WRNIP1: variants seen among roughly 807,000 people sequenced by gnomAD.
WRNIP1 encodes WRN helicase interacting protein 1.
WRNIP1 carries 41 observed loss-of-function variants against 56.1 expected under a neutral mutation model. The observed-to-expected ratio is 0.73, with a 90% CI of 0.57 to 0.95. The LOEUF (loss-of-function observed/expected upper bound fraction) is 0.95. WRNIP1 is among the 40% of genes least tolerant of loss of function. WRNIP1 has a pLI of 0.00. For synonymous variants in WRNIP1, 547 were observed against 398.1 expected, an observed-to-expected ratio of 1.37 and a Z score of -4.45; for missense variants, 1,170 against 939.4, an observed-to-expected ratio of 1.25 and a Z score of -3.21.
chr6:2,766,066 G>T lies in WRNIP1; in HGVS notation c.444G>T (p.Ala148=), dbSNP rs1411215226. 12 of 1,295,256 alleles carry T rather than the reference G, an allele frequency of 9.3e-6. No homozygotes were observed. In the African/African-American group the frequency reaches 1.2e-4, roughly 13 times the overall value. 80.2% of individuals were successfully genotyped at this position (1,295,256 alleles called of 1,614,324 possible). A position where few individuals can be genotyped will look rare whatever the true frequency, so the allele number is the denominator to read the frequency against. The stretch of plus-strand genomic sequence containing the variant: ...GGAAGAGGCCGGCGGCCGCCGCCGC[G>T]GCGGGGAGCGCGTCTCCGCGCAGCT... The part of the protein sequence containing the change: ...GSGKRPAAAA[A]AGSASPRSWD... Residue 148 remains alanine, a synonymous_variant, in exon 1 of 7, where the codon GCG becomes GCT. Coordinates refer to ENST00000380773, the MANE Select transcript of WRNIP1 (RefSeq NM_020135.3).
chr6:2,786,795 T>A lies in WRNIP1; in HGVS notation c.*1513T>A, dbSNP rs761438051. ...TAACCTCTATCAACTTGTAGACTCT[T>A]CTGTCTTTGCTCCCCGTGTTTTAAA... On this transcript the variant is annotated 3_prime_UTR_variant, in exon 7 of 7. Coordinates refer to ENST00000380773, the MANE Select transcript of WRNIP1 (RefSeq NM_020135.3). The A allele has an allele frequency of 6.6e-6, 1 of 152,250 alleles. No individual in the cohort carries two copies. The highest frequency in any genetic ancestry group is 2.4e-5 in the African/African-American group (1 of 41,460). The allele number at this position is 152,250 out of a possible 1,614,324, so 9.4% of individuals were successfully genotyped here. A position where few individuals can be genotyped will look rare whatever the true frequency, so the allele number is the denominator to read the frequency against.
At position 2,779,375 on chromosome 6, in the gene WRNIP1, T is replaced by C; in HGVS notation, c.1369T>C (p.Ser457Pro). 1 of 1,614,158 alleles carries C rather than the reference T, an allele frequency of 6.2e-7. No homozygotes were observed. Among genetic ancestry groups the C allele is most frequent in the East Asian group, 2.2e-5 (1 of 44,882 alleles). ...GCTGGCGGTGCTGGCTAGGTTAAGC[T>C]CTAGGAAGATGTTCTGTAAGAAGAG... ...LQLAVLARLSSRKMFCKKSGQ... is the reference protein window; with the variant it reads ...LQLAVLARLSPRKMFCKKSGQ... Residue 457 changes from serine (S) to proline (P), a missense_variant, in exon 4 of 7, where the codon TCT (serine) becomes CCT (proline). Physicochemically the swap from Ser to Pro is moderately conservative, Grantham distance 74. Transcript: ENST00000380773.
intron 1 of WRNIP1, among the ~76,000 whole-genome samples, chr6:2,767,966 G>C (rs1347292338): frequency 6.6e-6 from 1 of 152,200 alleles, no homozygotes; most frequent in African/African-American, 2.4e-5. Context: ...TTTAGGTGCA[G>C]ATTTGTCACA....
chr6:2,776,327 G>C (rs540636885), intron 3 of WRNIP1, among the ~76,000 whole-genome samples: 41 of 152,330 alleles, frequency 2.7e-4, no homozygotes, highest in Non-Finnish European at 5.1e-4. Flanking sequence ...TGATCATTGT[G>C]AGTGCTGTCA....
Position 2,783,439 on chromosome 6 carries a change from A to T in WRNIP1, c.1520A>T (p.His507Leu). 2 of 1,612,964 alleles carry T rather than the reference A, an allele frequency of 1.2e-6. No homozygotes were observed. Among genetic ancestry groups the T allele is most frequent in the Middle Eastern group, 1.7e-4 (1 of 6,060 alleles). The change falls in exon 5 of 7, where the codon CAC becomes CTC. Residue 507 changes from histidine (H) to leucine (L), a missense_variant. Transcript: ENST00000380773. ...EEHYNCISAL[H>L]KSMRGSDQNA... ...CATTACAACTGCATCTCCGCCCTGC[A>T]CAAGTCCATGCGGGGCTCAGACCAG...
chr6:2,782,476 C>T (rs938360597), intron 4 of WRNIP1, among the ~76,000 whole-genome samples: 1 of 152,242 alleles, frequency 6.6e-6, no homozygotes, highest in Non-Finnish European at 1.5e-5. Context: ...AGCTCAGCTG[C>T]CAGGGTTTGT....
chr6:2,782,666 T>G (rs187906291), intron 4 of WRNIP1, among the ~76,000 whole-genome samples: 36 of 152,390 alleles, frequency 2.4e-4, no homozygotes, highest in African/African-American at 8.7e-4. Context: ...CAGGTGCCAC[T>G]GCTTAGTTCC....
In WRNIP1 at chr6:2,785,624, A is replaced by C. The variant is rs1443139367; in HGVS notation, c.*342A>C. 1.6e-5 allele frequency: 4 copies of C among 254,126 alleles called. No individual in the cohort carries two copies. Among genetic ancestry groups the C allele is most frequent in the Non-Finnish European group, 2.3e-5 (3 of 132,356 alleles). 15.7% of individuals were successfully genotyped at this position (254,126 alleles called of 1,614,324 possible). A position where few individuals can be genotyped will look rare whatever the true frequency, so the allele number is the denominator to read the frequency against. ...TGTAGGATTTTCTTTTCTTTAAAAA[A>C]TGTATATTCTGGGTAGTTTTAATTG... is the stretch of plus-strand genomic sequence containing the variant. On this transcript the variant is annotated 3_prime_UTR_variant, in exon 7 of 7. Transcript: ENST00000380773.
chr6:2,786,099 T>G lies in WRNIP1; in HGVS notation c.*817T>G, dbSNP rs2113490798. The G allele has an allele frequency of 6.6e-6, 1 of 152,328 alleles. No homozygotes were observed. 9.4% of individuals were successfully genotyped at this position (152,328 alleles called of 1,614,324 possible). A position where few individuals can be genotyped will look rare whatever the true frequency, so the allele number is the denominator to read the frequency against. ...CTCCTTCTGCTCAGTTAAGAGTTAT[T>G]TGTCCCTACTGCTACTTCCTCTCCC... On this transcript the variant is annotated 3_prime_UTR_variant, in exon 7 of 7. Transcript: ENST00000380773.
Position 2,765,425 on chromosome 6 carries a change from A to T in WRNIP1, c.-198A>T. On this transcript the variant is annotated 5_prime_UTR_variant, in exon 1 of 7. Transcript: ENST00000380773. Reference sequence around the variant, plus strand: ...CCGACACGCCGCGTGAGGCGCTGCCAGCGGCCGGCCGAGGGCGGGCGGACG... The same window carrying T: ...CCGACACGCCGCGTGAGGCGCTGCCTGCGGCCGGCCGAGGGCGGGCGGACG... 1.9e-6 allele frequency: 1 copy of T among 531,540 alleles called. No homozygotes were observed. The highest frequency in any genetic ancestry group is 2.7e-6 in the Non-Finnish European group (1 of 365,294). 32.9% of individuals were successfully genotyped at this position (531,540 alleles called of 1,614,324 possible).
In WRNIP1 at chr6:2,783,552, G is replaced by T; in HGVS notation, c.1633G>T (p.Glu545Ter). ...VARRLVRFAS[E>*]DIGLADPSAL... ...ACGGAGGCTTGTCAGGTTTGCCAGCGAGGACATAGGTGAGTGTGATGGGAG... is the reference window on the plus strand; with the variant it reads ...ACGGAGGCTTGTCAGGTTTGCCAGCTAGGACATAGGTGAGTGTGATGGGAG... Residue 545 changes from glutamate to a stop codon, truncating the protein, a stop_gained, in exon 5 of 7, where the codon GAG (glutamate) becomes TAG (stop). Transcript: ENST00000380773. LOFTEE classifies it high-confidence loss of function. 1.2e-6 allele frequency: 2 copies of T among 1,608,738 alleles called. No individual in the cohort carries two copies. Among genetic ancestry groups the T allele is most frequent in the Non-Finnish European group, 8.5e-7 (1 of 1,177,692 alleles).
rs539694096 is a variant in WRNIP1, at chr6:2,774,155, A to T, written c.1256+3794A>T. ...TAGATGTCAATCTTTTTATTTAAAAATTTTTTAAGTACATTAATACAGTAC... is the reference window on the plus strand; with the variant it reads ...TAGATGTCAATCTTTTTATTTAAAATTTTTTTAAGTACATTAATACAGTAC... On this transcript the variant is annotated intron_variant, in intron 3 of 6. Coordinates refer to ENST00000380773, the MANE Select transcript of WRNIP1 (RefSeq NM_020135.3). The T allele has an allele frequency of 2.2e-5, 22 of 985,206 alleles. No homozygotes were observed. The East Asian group carries it at 5.7e-4, about 25-fold the overall frequency. 61.0% of individuals were successfully genotyped at this position (985,206 alleles called of 1,614,324 possible).
intron 3 of WRNIP1, chr6:2,773,073 A>G: frequency 1.0e-6 from 1 of 985,460 alleles, no homozygotes; most frequent in Non-Finnish European, 1.2e-6. Context: ...TTTGGAAACT[A>G]ATCAAGCTGC....
chr6:2,770,425 C>A, intron 3 of WRNIP1, 64 bp downstream of exon 3: 3 of 1,591,748 alleles, frequency 1.9e-6, no homozygotes, highest in Non-Finnish European at 2.6e-6. Flanking sequence ...TGGCAGGGGG[C>A]CAGAAAGGGC....
intron 1 of WRNIP1, among the ~76,000 whole-genome samples, chr6:2,766,721 T>G (rs1322048167): frequency 6.6e-6 from 1 of 152,218 alleles, no homozygotes; most frequent in Non-Finnish European, 1.5e-5. Context: ...TGTGGACTCT[T>G]AGATTTGATC....
chr6:2,783,066 G>C (rs1031447518), intron 4 of WRNIP1, among the ~76,000 whole-genome samples: 2 of 75,722 alleles, frequency 2.6e-5, no homozygotes, highest in Admixed American at 3.1e-4. Flanking sequence ...GATAGAGCCA[G>C]AACAGAAGAC....
chr6:2,772,073 C>G (rs1275034522), intron 3 of WRNIP1, among the ~76,000 whole-genome samples: 1 of 152,168 alleles, frequency 6.6e-6, no homozygotes, highest in Non-Finnish European at 1.5e-5. Context: ...CACCTCTCCC[C>G]AGTCACTGCC....
At position 2,765,514 on chromosome 6, in the gene WRNIP1, C is replaced by T. The variant is rs746002773; in HGVS notation, c.-109C>T. On this transcript the variant is annotated 5_prime_UTR_variant, in exon 1 of 7. Coordinates refer to ENST00000380773, the MANE Select transcript of WRNIP1 (RefSeq NM_020135.3). ...CCGGCCCGCGAGCGTCCTGCTGGTT[C>T]CCCGAGCGAGGGTCTCGCGGCGCGG... 69 of 1,271,642 alleles carry T rather than the reference C, an allele frequency of 5.4e-5. No homozygotes were observed. The African/African-American group carries it at 9.8e-4, about 18-fold the overall frequency. 78.8% of individuals were successfully genotyped at this position (1,271,642 alleles called of 1,614,324 possible).
chr6:2,781,077 C>T (rs1424070176), intron 4 of WRNIP1, among the ~76,000 whole-genome samples: 1 of 152,234 alleles, frequency 6.6e-6, no homozygotes, highest in Non-Finnish European at 1.5e-5. Context: ...CCGCATTTGC[C>T]TCCACACCAG....
Sources: gnomAD v4.1 joint callset for allele counts (sites outside exome capture counted in the v4.1 genomes callset) on GRCh38, gnomAD v4.1.1 for gene constraint, MANE v1.5 for transcripts, NCBI Gene and HGNC (gene_info 2026-07-23, HGNC 2026-07-21) for gene names.